Variants in GLG1 observed in about 807,000 individuals in gnomAD.
The protein encoded by GLG1 is Golgi apparatus protein 1.
A neutral mutation model predicts 160.5 loss-of-function variants in GLG1; 38 were observed. The ratio of observed to expected loss-of-function variants is 0.24; its 90% confidence interval spans 0.18 to 0.31. The LOEUF (loss-of-function observed/expected upper bound fraction) is 0.31. GLG1 is among the 10% of genes least tolerant of loss of function. The probability of loss-of-function intolerance (pLI) is 1.00; values close to 1 mark genes in which losing one functional copy is unlikely to be tolerated. For missense variants in GLG1, 1,373 were observed against 1,505.2 expected (o/e 0.91, Z 1.45); for synonymous variants, 644 against 543.4 (o/e 1.19, Z -2.57).
intron 3 of GLG1, among the ~76,000 whole-genome samples, chr16:74,505,837 A>G (rs1004612869): frequency 6.6e-6 from 1 of 152,128 alleles, no homozygotes; most frequent in African/African-American, 2.4e-5. Flanking sequence ...CCTGGGCAAC[A>G]GAGCGAGACT....
intron 2 of GLG1, among the ~76,000 whole-genome samples, chr16:74,510,525 T>A (rs932785246): frequency 1.3e-5 from 2 of 152,156 alleles, no homozygotes; most frequent in Non-Finnish European, 2.9e-5. Flanking sequence ...GAGCAGAGAC[T>A]TGGGATGATG....
intron 2 of GLG1, among the ~76,000 whole-genome samples, chr16:74,528,604 G>C (rs1157092462): frequency 6.6e-6 from 1 of 151,748 alleles, no homozygotes; most frequent in Non-Finnish European, 1.5e-5. Context: ...CTGAGGTCAG[G>C]AGTTCGAGAC....
intron 1 of GLG1, among the ~76,000 whole-genome samples, chr16:74,550,590 A>T (rs1344460201): frequency 1.3e-5 from 2 of 152,240 alleles, no homozygotes; most frequent in Non-Finnish European, 2.9e-5. Context: ...ATAATTTTTT[A>T]AATTAAAGAG....
chr16:74,478,387 G>A (rs2015469456), intron 11 of GLG1, among the ~76,000 whole-genome samples: 2 of 152,050 alleles, frequency 1.3e-5, no homozygotes, highest in Admixed American at 1.3e-4. Context: ...TAAAGCAGGT[G>A]AAAACTAGTA....
chr16:74,500,461 C>T (rs929035734), intron 4 of GLG1, among the ~76,000 whole-genome samples: 8 of 150,882 alleles, frequency 5.3e-5, no homozygotes, highest in African/African-American at 1.9e-4. Flanking sequence ...ACAACAACGG[C>T]CCCCACAAAA....
chr16:74,511,479 C>G (rs149917295), intron 2 of GLG1, among the ~76,000 whole-genome samples: 1 of 151,328 alleles, frequency 6.6e-6, no homozygotes, highest in Non-Finnish European at 1.5e-5. Flanking sequence ...TGGGGAAACC[C>G]GGTCTCTACT....
chr16:74,532,381 G>A (rs1297631628), intron 1 of GLG1, among the ~76,000 whole-genome samples: 3 of 152,036 alleles, frequency 2.0e-5, no homozygotes, highest in Admixed American at 6.6e-5. Flanking sequence ...ACCCCTTCCC[G>A]ATGGTGCAAT....
chr16:74,469,342 T>TAA, intron 16 of GLG1: 1 of 454,258 alleles, frequency 2.2e-6, no homozygotes, highest in Non-Finnish European at 4.0e-6. Flanking sequence ...ACATCTGTGT[T>TAA]AAAAACATGT....
At chr16:74,528,984 T>G (rs2017439024) in intron 2 of GLG1, among the ~76,000 whole-genome samples, 1 of 150,564 alleles carries the variant, frequency 6.6e-6, no homozygotes, top group South Asian at 2.1e-4. Context: ...TTTTTTTTTT[T>G]GAGACAGAAT....
chr16:74,494,228 G>T (rs182157396), intron 6 of GLG1, among the ~76,000 whole-genome samples: 90 of 151,614 alleles, frequency 5.9e-4, no homozygotes, highest in African/African-American at 2.0e-3. Context: ...ACCACAGTGA[G>T]AACCCTACTT....
intron 1 of GLG1, among the ~76,000 whole-genome samples, chr16:74,606,087 G>C (rs1409599314): frequency 6.6e-6 from 1 of 152,120 alleles, no homozygotes; most frequent in Non-Finnish European, 1.5e-5. Flanking sequence ...TCAAGCTTTG[G>C]GGCGCCAAGT....
intron 2 of GLG1, among the ~76,000 whole-genome samples, chr16:74,519,277 T>G (rs776572578): frequency 6.6e-6 from 1 of 151,376 alleles, no homozygotes; most frequent in Non-Finnish European, 1.5e-5. Context: ...TACGTGGTAG[T>G]TGAACAATGA....
At chr16:74,519,041 T>C (rs569089841) in intron 2 of GLG1, among the ~76,000 whole-genome samples, 11 of 152,328 alleles carry the variant, frequency 7.2e-5, no homozygotes, top group African/African-American at 2.2e-4. Context: ...CACATGTATA[T>C]TTATTGTGGC....
chr16:74,584,278 G>A (rs539559306), intron 1 of GLG1, among the ~76,000 whole-genome samples: 3 of 152,214 alleles, frequency 2.0e-5, no homozygotes, highest in South Asian at 2.1e-4. Flanking sequence ...AGCCATGCAC[G>A]GCTTCGAAAA....
At chr16:74,481,586 C>G (rs2015600145) in intron 10 of GLG1, among the ~76,000 whole-genome samples, 1 of 152,042 alleles carries the variant, frequency 6.6e-6, no homozygotes, top group African/African-American at 2.4e-5. Flanking sequence ...AATTACAGCC[C>G]AGCTTTCTGT....
chr16:74,575,370 T>C (rs2018973863), intron 1 of GLG1, among the ~76,000 whole-genome samples: 1 of 152,174 alleles, frequency 6.6e-6, no homozygotes, highest in African/African-American at 2.4e-5. Context: ...ATTCTACCAA[T>C]CATATGATGT....
At chr16:74,459,548 G>A in intron 23 of GLG1, 134 bp downstream of exon 23, 1 of 646,786 alleles carries the variant, frequency 1.5e-6, no homozygotes, top group East Asian at 2.8e-5. Flanking sequence ...AGAAGGAACA[G>A]CAAGAAAAGA....
At chr16:74,571,582 AG>A (rs1371058326) in intron 1 of GLG1, among the ~76,000 whole-genome samples, 7 of 151,834 alleles carry the variant, frequency 4.6e-5, no homozygotes, top group Non-Finnish European at 1.0e-4. Context: ...CGTACCCAGG[AG>A]GCAGAGGCTG....
chr16:74,495,728 C>G (rs1668648907), intron 5 of GLG1, among the ~76,000 whole-genome samples: 1 of 152,040 alleles, frequency 6.6e-6, no homozygotes, highest in Non-Finnish European at 1.5e-5. Flanking sequence ...AAATAAGATC[C>G]TGGGTAAAAT....
Sources: allele counts gnomAD v4.1 joint callset (sites outside exome capture counted in the v4.1 genomes callset), GRCh38; gene constraint gnomAD v4.1.1; transcripts MANE v1.5; gene names NCBI Gene and HGNC (gene_info 2026-07-23, HGNC 2026-07-21).